RSU1: variants seen among roughly 807,000 people sequenced by gnomAD.
RSU1 encodes the protein Ras suppressor protein 1.
In RSU1, 26 loss-of-function variants were observed where a neutral mutation model predicts 31.1. The ratio of observed to expected loss-of-function variants is 0.84; its 90% CI spans 0.61 to 1.16. The LOEUF is 1.16. Ranked by LOEUF, RSU1 falls within the 50% of genes most tolerant of loss-of-function variation. The pLI, the probability that RSU1 is intolerant of heterozygous loss-of-function variation, is 0.00. For missense variants in RSU1, 320 were observed against 339.1 expected (o/e 0.94, Z 0.44); for synonymous variants, 164 against 136.3 (o/e 1.20, Z -1.41).
intron 8 of RSU1, among the ~76,000 whole-genome samples, chr10:16,668,368 T>C (rs17138977): frequency 0.035 from 5,403 of 152,210 alleles, 311 homozygotes; most frequent in African/African-American, 0.12. Context: ...ACGATGAGTA[T>C]TGTATAGAAG....
chr10:16,644,532 T>A (rs1160537420), intron 8 of RSU1, among the ~76,000 whole-genome samples: 1 of 152,238 alleles, frequency 6.6e-6, no homozygotes, highest in Non-Finnish European at 1.5e-5. Flanking sequence ...AAGAGGAAAT[T>A]GAGCCCTAAG....
chr10:16,798,897 C>T (rs1233031306), intron 2 of RSU1, among the ~76,000 whole-genome samples: 8 of 152,112 alleles, frequency 5.3e-5, no homozygotes, highest in Non-Finnish European at 8.8e-5. Context: ...AGTCTCTATA[C>T]CTGTAAAATT....
chr10:16,791,206 T>C (rs1450714774), intron 2 of RSU1, among the ~76,000 whole-genome samples: 7 of 152,086 alleles, frequency 4.6e-5, no homozygotes, highest in African/African-American at 1.7e-4. Context: ...TTTCTATGTT[T>C]AGTAGAGACA....
intron 7 of RSU1, among the ~76,000 whole-genome samples, chr10:16,743,801 A>T (rs1457591660): frequency 1.3e-5 from 2 of 152,186 alleles, no homozygotes; most frequent in Non-Finnish European, 2.9e-5. Context: ...TTCTAGACAT[A>T]GTTAATAATC....
chr10:16,734,737 G>A (rs2131603902), intron 7 of RSU1, among the ~76,000 whole-genome samples: 1 of 152,274 alleles, frequency 6.6e-6, no homozygotes, highest in East Asian at 1.9e-4. Context: ...AGGCTCAGCA[G>A]CAAAAAGTAA....
At chr10:16,744,798 G>A (rs1248131979) in intron 7 of RSU1, among the ~76,000 whole-genome samples, 1 of 152,138 alleles carries the variant, frequency 6.6e-6, no homozygotes. Context: ...TGGACTGCGG[G>A]CATACTCTTC....
intron 8 of RSU1, among the ~76,000 whole-genome samples, chr10:16,678,196 T>A (rs1835267650): frequency 6.6e-6 from 1 of 152,186 alleles, no homozygotes; most frequent in African/African-American, 2.4e-5. Context: ...TAGAAATCCA[T>A]TTTCTTGCTT....
intron 2 of RSU1, among the ~76,000 whole-genome samples, chr10:16,811,906 A>T (rs1838417770): frequency 6.6e-6 from 1 of 152,206 alleles, no homozygotes; most frequent in African/African-American, 2.4e-5. Context: ...GAGACACTTC[A>T]GCTAGGCTGG....
chr10:16,610,264 A>G (rs1271884964), intron 8 of RSU1, among the ~76,000 whole-genome samples: 1 of 152,220 alleles, frequency 6.6e-6, no homozygotes, highest in Non-Finnish European at 1.5e-5. Context: ...GTTGGTGGCT[A>G]TGCTACTGCA....
chr10:16,773,104 G>A (rs1256811439), intron 3 of RSU1, among the ~76,000 whole-genome samples: 4 of 152,006 alleles, frequency 2.6e-5, no homozygotes, highest in Non-Finnish European at 4.4e-5. Flanking sequence ...GGAGGCTGAG[G>A]TGGGAAGATC....
chr10:16,688,534 G>A (rs1224992383), intron 8 of RSU1, among the ~76,000 whole-genome samples: 3 of 152,022 alleles, frequency 2.0e-5, no homozygotes, highest in Admixed American at 6.6e-5. Flanking sequence ...GCGTGAACCC[G>A]GAAGGCGGAG....
intron 7 of RSU1, among the ~76,000 whole-genome samples, chr10:16,740,995 A>C (rs1836739096): frequency 6.6e-6 from 1 of 152,224 alleles, no homozygotes. Flanking sequence ...ACAGGCCTCA[A>C]AATAGCTAAA....
intron 8 of RSU1, among the ~76,000 whole-genome samples, chr10:16,647,664 C>A (rs1261312214): frequency 6.6e-6 from 1 of 151,976 alleles, no homozygotes; most frequent in East Asian, 1.9e-4. Flanking sequence ...TTGCCAAGGG[C>A]TGGGGGAAGA....
intron 8 of RSU1, among the ~76,000 whole-genome samples, chr10:16,638,436 G>A (rs965517704): frequency 2.0e-4 from 31 of 152,070 alleles, no homozygotes; most frequent in African/African-American, 6.5e-4. Flanking sequence ...GGGTTTATGA[G>A]TTCAAAAAAA....
chr10:16,744,113 C>A lies in RSU1; in HGVS notation c.598+8426G>T, dbSNP rs528883152. On this transcript the variant is annotated intron_variant, in intron 7 of 8. Coordinates refer to ENST00000345264, the MANE Select transcript of RSU1 (RefSeq NM_012425.4). The stretch of plus-strand genomic sequence containing the variant: ...CCACTGCAAGCCAGTCTGGGTGACA[C>A]AGAGCAAGACTCTGTCTCAAAAAAA... 1.9e-4 allele frequency among the ~76,000 whole-genome samples: 27 copies of A among 142,324 alleles called. No individual in the cohort carries two copies. The South Asian group carries it at 5.9e-3, about 31-fold the overall frequency. 93.4% of individuals were successfully genotyped at this position (142,324 alleles called of 152,430 possible).
chr10:16,691,923 G>C (rs11254146), intron 8 of RSU1, among the ~76,000 whole-genome samples: 1 of 151,910 alleles, frequency 6.6e-6, no homozygotes, highest in Non-Finnish European at 1.5e-5. Flanking sequence ...ATTTTGAGTA[G>C]AAATGGGGTT....
At chr10:16,674,235 G>C (rs1013911560) in intron 8 of RSU1, among the ~76,000 whole-genome samples, 2 of 152,022 alleles carry the variant, frequency 1.3e-5, no homozygotes, top group Non-Finnish European at 2.9e-5. Flanking sequence ...TAAAAAGAGC[G>C]ACTAGATTTG....
intron 8 of RSU1, among the ~76,000 whole-genome samples, chr10:16,635,302 A>G (rs1465772987): frequency 6.6e-6 from 1 of 152,146 alleles, no homozygotes; most frequent in Non-Finnish European, 1.5e-5. Flanking sequence ...TCTTCAGTCC[A>G]TTCTCTATCC....
intron 8 of RSU1, among the ~76,000 whole-genome samples, chr10:16,619,466 G>A (rs1834032909): frequency 6.6e-6 from 1 of 152,162 alleles, no homozygotes; most frequent in Admixed American, 6.5e-5. Flanking sequence ...TCTCTTGGGA[G>A]GTACCACTTA....
Sources: gnomAD v4.1 joint callset for allele counts (sites outside exome capture counted in the v4.1 genomes callset) on GRCh38, gnomAD v4.1.1 for gene constraint, MANE v1.5 for transcripts, NCBI Gene and HGNC (gene_info 2026-07-23, HGNC 2026-07-21) for gene names.